Variants in TTC23 observed in about 807,000 individuals in gnomAD.
TTC23 encodes tetratricopeptide repeat protein 23.
In TTC23, 58 loss-of-function variants were observed where a neutral mutation model predicts 55.1. That is an observed-to-expected ratio of 1.05 (90% CI 0.85 to 1.31). The LOEUF is 1.31. TTC23 is among the 50% of genes most tolerant of loss of function. TTC23 has a pLI of 0.00. For synonymous variants in TTC23, 203 were observed against 199.9 expected (o/e 1.02, Z -0.13); for missense variants, 516 against 534.4 (o/e 0.97, Z 0.34).
chr15:99,175,057 C>T lies in TTC23; in HGVS notation c.858G>A (p.Glu286=). The T allele has an allele frequency of 2.2e-5, 35 of 1,613,988 alleles. No homozygotes were observed. Among genetic ancestry groups the T allele is most frequent in the Non-Finnish European group, 2.8e-5 (33 of 1,179,956 alleles). The change falls in exon 10 of 14, where the codon GAG becomes GAA. Residue 286 remains glutamate (E), a synonymous_variant. Transcript: ENST00000394132. ...AHAAVASGRH[E]HHDVAEQYFQ... ...GAAAAGGATTCTTCTCACCATGGTG[C>T]TCGTGTCTCCCTGAAGCGACAGCAG...
At chr15:99,153,436 C>G (rs2070116630) in intron 12 of TTC23, among the ~76,000 whole-genome samples, 1 of 152,156 alleles carries the variant, frequency 6.6e-6, no homozygotes, top group South Asian at 2.1e-4. Flanking sequence ...AATCTACTGT[C>G]TTTTGCAGCA....
intron 9 of TTC23, among the ~76,000 whole-genome samples, chr15:99,191,554 C>T (rs763714874): frequency 1.1e-4 from 17 of 152,240 alleles, no homozygotes; most frequent in Non-Finnish European, 1.9e-4. Context: ...CCTGCCCAAT[C>T]TCTCTTTTTG....
At chr15:99,186,921 T>C (rs1306684084) in intron 9 of TTC23, among the ~76,000 whole-genome samples, 2 of 152,070 alleles carry the variant, frequency 1.3e-5, no homozygotes, top group Non-Finnish European at 2.9e-5. Flanking sequence ...AATCCTGGTT[T>C]GTTTTGTTTT....
chr15:99,154,001 T>C (rs1428200379), intron 12 of TTC23, among the ~76,000 whole-genome samples: 1 of 152,182 alleles, frequency 6.6e-6, no homozygotes, highest in African/African-American at 2.4e-5. Context: ...GATAATTATC[T>C]AGAAAAATAC....
intron 11 of TTC23, chr15:99,159,947 G>C (rs2071128052): frequency 1.3e-5 from 2 of 152,868 alleles, no homozygotes; most frequent in Admixed American, 1.3e-4. Context: ...CTATTTTGGA[G>C]GAAAAAATGG....
Position 99,200,024 on chromosome 15 carries a change from G to C in TTC23, c.654C>G (p.Ile218Met). 6.2e-7 allele frequency: 1 copy of C among 1,613,950 alleles called. No homozygotes were observed. Among genetic ancestry groups the C allele is most frequent in the Non-Finnish European group, 8.5e-7 (1 of 1,179,952 alleles). ...ACTCACGACTTGTTTCACCTTTACT[G>C]ATCTCAACATATTCCAAAGCTGCTT... ...HYQAALEYVE[I>M]SKGETSRECV... The change falls in exon 9 of 14, where the codon ATC becomes ATG. Residue 218 changes from isoleucine to methionine, a missense_variant. By Grantham distance (10) the Ile-to-Met change is conservative. Coordinates refer to ENST00000394132, the MANE Select transcript of TTC23 (RefSeq NM_001288615.3).
At chr15:99,221,582 T>TTA (rs1458207898) in intron 6 of TTC23, among the ~76,000 whole-genome samples, 159 bp downstream of exon 6, 2 of 152,214 alleles carry the variant, frequency 1.3e-5, no homozygotes, top group African/African-American at 4.8e-5. Context: ...TGTTTACAGG[T>TTA]TATATACCTT....
At chr15:99,206,390 GTTC>G (rs1309711480) in intron 8 of TTC23, among the ~76,000 whole-genome samples, 5 of 152,230 alleles carry the variant, frequency 3.3e-5, no homozygotes, top group African/African-American at 9.6e-5. Flanking sequence ...ATTGATATTA[GTTC>G]TTCTTAAAAT....
intron 10 of TTC23, among the ~76,000 whole-genome samples, chr15:99,163,121 C>A (rs2071604607): frequency 6.6e-6 from 1 of 151,838 alleles, no homozygotes; most frequent in Admixed American, 6.6e-5. Context: ...ACAACAACAA[C>A]AACAAAAAAC....
intron 3 of TTC23, among the ~76,000 whole-genome samples, chr15:99,236,969 A>G (rs1399199747): frequency 1.4e-5 from 2 of 143,972 alleles, no homozygotes; most frequent in African/African-American, 2.6e-5. Context: ...AGGAGTCATC[A>G]TTTCACTCCT....
chr15:99,198,932 C>T (rs1397704333), intron 9 of TTC23, among the ~76,000 whole-genome samples: 2 of 152,118 alleles, frequency 1.3e-5, no homozygotes, highest in Non-Finnish European at 2.9e-5. Flanking sequence ...CTTAAAAGTG[C>T]CTTTGGCATG....
At chr15:99,236,503 T>A (rs1361520026) in intron 3 of TTC23, among the ~76,000 whole-genome samples, 2 of 151,718 alleles carry the variant, frequency 1.3e-5, no homozygotes, top group Non-Finnish European at 2.9e-5. Flanking sequence ...TTTTACTCTG[T>A]CACCCAAGCT....
intron 5 of TTC23, among the ~76,000 whole-genome samples, chr15:99,222,435 C>T (rs1011661697): frequency 4.6e-5 from 7 of 152,182 alleles, no homozygotes; most frequent in African/African-American, 1.7e-4. Flanking sequence ...CACCACCACA[C>T]CTGGCTAGTT....
At chr15:99,236,334 A>G (rs890753096) in intron 3 of TTC23, among the ~76,000 whole-genome samples, 13 of 152,176 alleles carry the variant, frequency 8.5e-5, no homozygotes, top group African/African-American at 3.1e-4. Context: ...ATCCTAATGG[A>G]TATGAAGTGA....
intron 8 of TTC23, among the ~76,000 whole-genome samples, chr15:99,214,431 C>T (rs1426783905): frequency 1.4e-5 from 2 of 143,220 alleles, no homozygotes; most frequent in African/African-American, 2.6e-5. Flanking sequence ...GGCGTGAACC[C>T]GGGAAGGTAG....
chr15:99,136,532 T>A lies in TTC23; in HGVS notation c.*1478A>T, dbSNP rs1231956286. On this transcript the variant is annotated 3_prime_UTR_variant, in exon 14 of 14. Transcript: ENST00000394132. ...AGACGGCTGTCTTCTCACTGTGTCC[T>A]CACATGGTGGAGAGAGAGATCATCT... 1 of 152,360 alleles carries A rather than the reference T, an allele frequency of 6.6e-6. No homozygotes were observed. Among genetic ancestry groups the A allele is most frequent in the Admixed American group, 6.5e-5 (1 of 15,306 alleles). 9.4% of individuals were successfully genotyped at this position (152,360 alleles called of 1,614,324 possible).
intron 12 of TTC23, among the ~76,000 whole-genome samples, chr15:99,153,336 C>T (rs965041578): frequency 6.6e-6 from 1 of 152,182 alleles, no homozygotes; most frequent in Non-Finnish European, 1.5e-5. Context: ...ACATGACTGG[C>T]CTATTGAAGG....
chr15:99,193,947 T>G (rs2075470772), intron 9 of TTC23, among the ~76,000 whole-genome samples: 1 of 151,812 alleles, frequency 6.6e-6, no homozygotes, highest in Non-Finnish European at 1.5e-5. Context: ...AGGTGGAGGT[T>G]GCAGTGAGCT....
chr15:99,229,004 GTGTA>G (rs1007143687), intron 4 of TTC23, among the ~76,000 whole-genome samples: 5 of 151,828 alleles, frequency 3.3e-5, no homozygotes, highest in African/African-American at 7.3e-5. Context: ...ACATGTATAT[GTGTA>G]TGTATTACAC....
Sources: gnomAD v4.1 joint callset for allele counts (sites outside exome capture counted in the v4.1 genomes callset) on GRCh38, gnomAD v4.1.1 for gene constraint, MANE v1.5 for transcripts, NCBI Gene and HGNC (gene_info 2026-07-23, HGNC 2026-07-21) for gene names.